Variants in PTPRD observed in about 807,000 individuals in gnomAD.
The protein encoded by PTPRD is protein tyrosine phosphatase receptor type D.
A neutral mutation model predicts 214.5 loss-of-function variants in PTPRD; 34 were observed. That is an observed-to-expected ratio of 0.16 (90% CI 0.12 to 0.21). The LOEUF is 0.21. PTPRD is among the 10% of genes least tolerant of loss of function. The pLI is 1.00. For synonymous variants in PTPRD, 1,128 were observed against 845.7 expected (o/e 1.33, Z -5.79); for missense variants, 2,545 against 2,398.7 (o/e 1.06, Z -1.27).
At chr9:10,377,742 CT>C (rs975595519) in intron 2 of PTPRD, among the ~76,000 whole-genome samples, 15 of 152,124 alleles carry the variant, frequency 9.9e-5, no homozygotes, top group African/African-American at 3.6e-4. Context: ...CACTTTTATA[CT>C]GTTGGTGGGA....
chr9:8,937,778 T>A (rs2099007347), intron 11 of PTPRD, among the ~76,000 whole-genome samples: 1 of 152,216 alleles, frequency 6.6e-6, no homozygotes, highest in South Asian at 2.1e-4. Flanking sequence ...TTTTATTCTA[T>A]CCATTATTAT....
chr9:10,610,083 C>T (rs950318693), intron 2 of PTPRD, among the ~76,000 whole-genome samples: 1 of 152,098 alleles, frequency 6.6e-6, no homozygotes, highest in Non-Finnish European at 1.5e-5. Flanking sequence ...TAATAAAACA[C>T]ATTACTGCTG....
chr9:10,460,824 G>C (rs1409622724), intron 2 of PTPRD, among the ~76,000 whole-genome samples: 3 of 152,048 alleles, frequency 2.0e-5, no homozygotes, highest in Non-Finnish European at 4.4e-5. Context: ...CTTGACATTA[G>C]TCTTAGCAAT....
chr9:9,622,830 A>C (rs1435200057), intron 7 of PTPRD, among the ~76,000 whole-genome samples: 6 of 152,222 alleles, frequency 3.9e-5, no homozygotes, highest in African/African-American at 1.4e-4. Context: ...TATTACATCT[A>C]GCAGCTCTAC....
intron 7 of PTPRD, among the ~76,000 whole-genome samples, chr9:9,660,208 T>C (rs1318499973): frequency 1.3e-5 from 2 of 152,004 alleles, no homozygotes; most frequent in Non-Finnish European, 2.9e-5. Context: ...CCTGGGCATA[T>C]AAGATTTTGG....
intron 9 of PTPRD, among the ~76,000 whole-genome samples, chr9:9,246,803 CTG>C (rs1259911455): frequency 3.3e-5 from 5 of 151,906 alleles, no homozygotes; most frequent in Non-Finnish European, 5.9e-5. Context: ...AATTTCTGGA[CTG>C]TGAAACTTCA....
intron 21 of PTPRD, among the ~76,000 whole-genome samples, chr9:8,514,616 T>C (rs184471068): frequency 6.6e-6 from 1 of 152,200 alleles, no homozygotes; most frequent in African/African-American, 2.4e-5. Flanking sequence ...AAGTAAGTTA[T>C]GTATAATTCT....
At chr9:9,068,283 C>G (rs920907847) in intron 10 of PTPRD, among the ~76,000 whole-genome samples, 7 of 152,068 alleles carry the variant, frequency 4.6e-5, no homozygotes, top group Admixed American at 2.6e-4. Context: ...CAGTGTTTAG[C>G]TACTAGAAAT....
chr9:8,351,742 TAAAAAAAAAAAA>T (rs71317359), intron 39 of PTPRD, among the ~76,000 whole-genome samples: 16 of 68,524 alleles, frequency 2.3e-4, no homozygotes, highest in South Asian at 8.8e-4. Flanking sequence ...TGGCAAAGAG[TAAAAAAAAAAAA>T]AAAAAAAAAA....
chr9:9,466,396 T>C (rs190925405), intron 8 of PTPRD, among the ~76,000 whole-genome samples: 5 of 152,310 alleles, frequency 3.3e-5, no homozygotes, highest in Admixed American at 1.3e-4. Flanking sequence ...ATGAATCATA[T>C]ACTATACAAT....
intron 12 of PTPRD, among the ~76,000 whole-genome samples, chr9:8,721,967 G>GC (rs2154419851): frequency 6.6e-6 from 1 of 152,310 alleles, no homozygotes; most frequent in South Asian, 2.1e-4. Flanking sequence ...GGGTGATTTT[G>GC]CCCCCCTCAG....
At chr9:8,382,073 G>T (rs1045303684) in intron 37 of PTPRD, among the ~76,000 whole-genome samples, 66 of 152,176 alleles carry the variant, frequency 4.3e-4, no homozygotes, top group African/African-American at 1.6e-3. Flanking sequence ...CTGCCCAGCA[G>T]TTGCCTTTGA....
At chr9:8,654,382 C>A (rs78287849) in intron 12 of PTPRD, among the ~76,000 whole-genome samples, 1 of 152,138 alleles carries the variant, frequency 6.6e-6, no homozygotes, top group Non-Finnish European at 1.5e-5. Flanking sequence ...GTAGTGGGTA[C>A]TCCTCCGATA....
chr9:8,544,848 AATCCT>A (rs2079539871), intron 14 of PTPRD, among the ~76,000 whole-genome samples: 1 of 150,454 alleles, frequency 6.6e-6, no homozygotes, highest in Admixed American at 6.6e-5. Context: ...TCACAGACTT[AATCCT>A]TTGACAATAA....
At chr9:8,918,743 T>A (rs879258236) in intron 11 of PTPRD, among the ~76,000 whole-genome samples, 3 of 152,176 alleles carry the variant, frequency 2.0e-5, no homozygotes, top group Non-Finnish European at 2.9e-5. Flanking sequence ...ATTTCAGATA[T>A]TTCTATTCGG....
intron 6 of PTPRD, among the ~76,000 whole-genome samples, chr9:9,763,044 A>C (rs759803221): frequency 4.6e-5 from 7 of 152,154 alleles, no homozygotes; most frequent in Non-Finnish European, 1.0e-4. Context: ...AGGGAAAGAG[A>C]GAGCGATCTC....
chr9:8,471,365 G>A (rs1225780693), intron 30 of PTPRD, among the ~76,000 whole-genome samples: 1 of 152,044 alleles, frequency 6.6e-6, no homozygotes. Context: ...TAGTTTGTTA[G>A]GGCCCTGGTG....
intron 4 of PTPRD, among the ~76,000 whole-genome samples, chr9:9,999,592 C>G (rs537613855): frequency 6.6e-6 from 1 of 152,324 alleles, no homozygotes; most frequent in African/African-American, 2.4e-5. Flanking sequence ...TACTACGTCA[C>G]TCTCATGGGA....
chr9:9,836,074 A>G (rs934302836), intron 5 of PTPRD, among the ~76,000 whole-genome samples: 4 of 151,806 alleles, frequency 2.6e-5, no homozygotes, highest in South Asian at 2.1e-4. Flanking sequence ...GGAAGAGATG[A>G]TGGCCTAAAG....
Sources: gnomAD v4.1 joint callset for allele counts (sites outside exome capture counted in the v4.1 genomes callset) on GRCh38, gnomAD v4.1.1 for gene constraint, MANE v1.5 for transcripts, NCBI Gene and HGNC (gene_info 2026-07-23, HGNC 2026-07-21) for gene names.